CAMSAP2: variants seen among roughly 807,000 people sequenced by gnomAD.
The protein encoded by CAMSAP2 is calmodulin regulated spectrin associated protein family member 2.
CAMSAP2 carries 26 observed loss-of-function variants against 146.1 expected under a neutral mutation model. The ratio of observed to expected loss-of-function variants is 0.18; its 90% CI spans 0.13 to 0.25. CAMSAP2 has a LOEUF of 0.25. CAMSAP2 is among the 10% of genes least tolerant of loss of function. The pLI is 1.00. For synonymous variants in CAMSAP2, 499 were observed against 596.6 expected, an observed-to-expected ratio of 0.84 and a Z score of 2.38; for missense variants, 1,381 against 1,759.3, an observed-to-expected ratio of 0.78 and a Z score of 3.85.
chr1:200,792,594 G>A (rs1475753480), intron 2 of CAMSAP2, among the ~76,000 whole-genome samples: 3 of 152,196 alleles, frequency 2.0e-5, no homozygotes, highest in Non-Finnish European at 2.9e-5. Flanking sequence ...GCAGTGAGCC[G>A]AGATGGCACC....
intron 7 of CAMSAP2, among the ~76,000 whole-genome samples, chr1:200,842,709 C>T (rs1667355224): frequency 6.6e-6 from 1 of 152,038 alleles, no homozygotes; most frequent in Non-Finnish European, 1.5e-5. Flanking sequence ...GGTGCGGTGG[C>T]TCACGCCTGT....
rs568652107 is a variant in CAMSAP2 at position 200,827,081 on chromosome 1, T to C, written c.646-5119T>C. Among the ~76,000 whole-genome samples, 52 of 152,328 alleles carry C rather than the reference T, an allele frequency of 3.4e-4. 1 individual carries two copies. Among genetic ancestry groups the C allele is most frequent in the Admixed American group, 2.8e-3 (43 of 15,294 alleles). ...ACGTATATAAGTATGCATAGTATAT[T>C]TATTTGTTCTTTTAGTACATTTACT... On this transcript the variant is annotated intron_variant, in intron 4 of 16. Transcript: ENST00000358823.
At chr1:200,788,643 CTTT>C (rs71564133) in intron 2 of CAMSAP2, among the ~76,000 whole-genome samples, 7 of 122,404 alleles carry the variant, frequency 5.7e-5, no homozygotes, top group Non-Finnish European at 8.7e-5. Flanking sequence ...TTCTTTTTTT[CTTT>C]TTTTTTTTTT....
At chr1:200,833,050 G>A (rs930240824) in intron 6 of CAMSAP2, among the ~76,000 whole-genome samples, 1 of 151,986 alleles carries the variant, frequency 6.6e-6, no homozygotes, top group Non-Finnish European at 1.5e-5. Context: ...AACAGAGCAA[G>A]ACCCTGTCTC....
intron 2 of CAMSAP2, among the ~76,000 whole-genome samples, chr1:200,766,936 C>T (rs932267188): frequency 2.6e-5 from 4 of 152,056 alleles, no homozygotes; most frequent in African/African-American, 9.7e-5. Context: ...TTCCATGTAC[C>T]TTAGGAGTAA....
At position 200,747,635 on chromosome 1, in the gene CAMSAP2, C is replaced by T. The variant is rs967171321; in HGVS notation, c.139+7669C>T. On this transcript the variant is annotated intron_variant, in intron 1 of 16. Transcript: ENST00000358823. The stretch of plus-strand genomic sequence containing the variant: ...GGTTTTGATTTGATCAGGGCTGTAG[C>T]GTCATTTCTCTGTGATTCTTTTAGC... 7.4e-3 allele frequency among the ~76,000 whole-genome samples: 1,129 copies of T among 152,220 alleles called. 11 individuals carry two copies. Among genetic ancestry groups the T allele is most frequent in the Middle Eastern group, 0.044 (13 of 294 alleles).
rs114517250 is a variant in CAMSAP2, at chr1:200,853,244, G to C, written c.3603-31G>C. On this transcript the variant is annotated intron_variant, in intron 12 of 16. Transcript: ENST00000358823. This position sits in a 1 kb window ranked among gnomAD's most constrained non-coding sequence, Gnocchi z 5.1. ...CTGTATGGTTTGTCTTTGGTATGCAGAATAAGAACTGTAACCATTTGATTT... is the reference window on the plus strand; with the variant it reads ...CTGTATGGTTTGTCTTTGGTATGCACAATAAGAACTGTAACCATTTGATTT... 0.013 allele frequency: 20,376 copies of C among 1,588,618 alleles called. 172 individuals carry two copies. Among genetic ancestry groups the C allele is most frequent in the Non-Finnish European group, 0.016 (18,027 of 1,159,502 alleles).
chr1:200,816,748 G>A lies in CAMSAP2; in HGVS notation c.645+1104G>A, dbSNP rs867584083. On this transcript the variant is annotated intron_variant, in intron 4 of 16. Transcript: ENST00000358823. Reference sequence around the variant, plus strand: ...CATATATGTGTGTACACACACACGCGTGTATATATGTGTGTACACACACAC... The same window carrying A: ...CATATATGTGTGTACACACACACGCATGTATATATGTGTGTACACACACAC... Among the ~76,000 whole-genome samples, 28 of 105,916 alleles carry A rather than the reference G, an allele frequency of 2.6e-4. 3 individuals carry two copies. Among genetic ancestry groups the A allele is most frequent in the Admixed American group, 3.4e-4 (4 of 11,816 alleles). The allele number at this position is 105,916 out of a possible 152,430, so 69.5% of individuals were successfully genotyped here.
chr1:200,791,351 T>C lies in CAMSAP2; in HGVS notation c.400-16025T>C, dbSNP rs371483690. ...TGGTGTGCCTTAATGGATTTTTCTT[T>C]GTATTTACCCCGTTGGGGATTTTTA... On this transcript the variant is annotated intron_variant, in intron 2 of 16. Coordinates refer to ENST00000358823, the MANE Select transcript of CAMSAP2 (RefSeq NM_203459.4). 5.9e-5 allele frequency among the ~76,000 whole-genome samples: 9 copies of C among 152,340 alleles called. No individual in the cohort carries two copies. The East Asian group carries it at 7.7e-4, about 13-fold the overall frequency.
intron 1 of CAMSAP2, among the ~76,000 whole-genome samples, chr1:200,747,122 C>T (rs1042261704): frequency 2.6e-5 from 4 of 152,086 alleles, no homozygotes; most frequent in Non-Finnish European, 4.4e-5. Flanking sequence ...TGGTCTTGAA[C>T]TCCTGTATTC....
Position 200,843,850 on chromosome 1 carries a change from G to T in CAMSAP2, c.1022-932G>T, listed in dbSNP as rs577734330. Among the ~76,000 whole-genome samples the T allele has an allele frequency of 9.4e-3, 1,371 of 145,902 alleles. 21 individuals carry two copies. Among genetic ancestry groups the T allele is most frequent in the African/African-American group, 0.033 (1,267 of 38,536 alleles). On this transcript the variant is annotated intron_variant, in intron 7 of 16. Coordinates refer to ENST00000358823, the MANE Select transcript of CAMSAP2 (RefSeq NM_203459.4). ...TCAAACTTATTTTTGTTTTTTTTTTGTTTGTTTGTTTTTGTTTTGTTTTGT... is the reference window on the plus strand; with the variant it reads ...TCAAACTTATTTTTGTTTTTTTTTTTTTTGTTTGTTTTTGTTTTGTTTTGT...
Position 200,748,955 on chromosome 1 carries a change from C to G in CAMSAP2, c.139+8989C>G, listed in dbSNP as rs147012977. On this transcript the variant is annotated intron_variant, in intron 1 of 16. Transcript: ENST00000358823. ...TTGATCCAATGGTAGCCTCTAAGTG[C>G]GTGCCATACAAAAACTAGCCTAGAG... 3.9e-3 allele frequency among the ~76,000 whole-genome samples: 591 copies of G among 152,094 alleles called. 4 individuals are homozygous for G. Among genetic ancestry groups the G allele is most frequent in the African/African-American group, 0.014 (564 of 41,472 alleles).
At chr1:200,750,944 C>G (rs1664488323) in intron 1 of CAMSAP2, among the ~76,000 whole-genome samples, 1 of 144,076 alleles carries the variant, frequency 6.9e-6, no homozygotes, top group African/African-American at 2.6e-5. Context: ...TGCTTTGTCA[C>G]CAGGCTGGAA....
chr1:200,770,831 A>C (rs1162637864), intron 2 of CAMSAP2, among the ~76,000 whole-genome samples: 3 of 152,172 alleles, frequency 2.0e-5, no homozygotes, highest in Non-Finnish European at 4.4e-5. Context: ...TTTCACAAGT[A>C]AGGAAACTTT....
chr1:200,817,183 C>CACATATAAGTGTGTGTATACACACAT lies in CAMSAP2; in HGVS notation c.645+1542_645+1543insTATAAGTGTGTGTATACACACATACA. 6.6e-4 allele frequency among the ~76,000 whole-genome samples: 44 copies of CACATATAAGTGTGTGTATACACACAT among 66,324 alleles called. 1 individual carries two copies. Among genetic ancestry groups the CACATATAAGTGTGTGTATACACACAT allele is most frequent in the Middle Eastern group, 8.3e-3 (1 of 120 alleles). 43.5% of individuals were successfully genotyped at this position (66,324 alleles called of 152,430 possible). On this transcript the variant is annotated intron_variant, in intron 4 of 16. Transcript: ENST00000358823. ...ACACACACGTGTGTGTATATACACACACACACATGTGTGTGTGTATACACA... is the reference window on the plus strand; with the variant it reads ...ACACACACGTGTGTGTATATACACACACATATAAGTGTGTGTATACACACATACACACATGTGTGTGTGTATACACA...
At chr1:200,809,394 T>A (rs1286211116) in intron 3 of CAMSAP2, among the ~76,000 whole-genome samples, 23 of 152,184 alleles carry the variant, frequency 1.5e-4, no homozygotes, top group Admixed American at 1.5e-3. Flanking sequence ...GTTCTTACTT[T>A]TTAATGTACA....
chr1:200,790,329 T>G (rs758238289), intron 2 of CAMSAP2, among the ~76,000 whole-genome samples: 8 of 152,100 alleles, frequency 5.3e-5, no homozygotes, highest in Non-Finnish European at 8.8e-5. Context: ...CCCCTCCCAC[T>G]GGAACCATGG....
At chr1:200,807,618 A>G (rs1338051589) in intron 3 of CAMSAP2, 81 bp downstream of exon 3, 2 of 1,041,658 alleles carry the variant, frequency 1.9e-6, no homozygotes, top group East Asian at 2.9e-5. Flanking sequence ...CCACTTCATT[A>G]CTCTTTTTGT....
At position 200,819,138 on chromosome 1, in the gene CAMSAP2, A is replaced by G. The variant is rs149045010; in HGVS notation, c.645+3494A>G. 3.6e-3 allele frequency among the ~76,000 whole-genome samples: 550 copies of G among 152,338 alleles called. 3 individuals are homozygous for G. The highest frequency in any genetic ancestry group is 5.5e-3 in the Non-Finnish European group (376 of 68,036). On this transcript the variant is annotated intron_variant, in intron 4 of 16. Transcript: ENST00000358823. Reference sequence around the variant, plus strand: ...GACTGAAATGAAAGATTTCAAAGGTATTTGTTTAGGGTATTAGATCCTCCA... The same window carrying G: ...GACTGAAATGAAAGATTTCAAAGGTGTTTGTTTAGGGTATTAGATCCTCCA...
Sources: gnomAD v4.1 joint callset for allele counts (sites outside exome capture counted in the v4.1 genomes callset) on GRCh38, gnomAD v4.1.1 for gene constraint, Gnocchi (gnomAD v3.1) non-coding constraint, MANE v1.5 for transcripts, NCBI Gene and HGNC (gene_info 2026-07-23, HGNC 2026-07-21) for gene names.